CLASP2: variants seen among roughly 807,000 people sequenced by gnomAD.
CLASP2 encodes the protein CLIP-associating protein 2.
CLASP2 carries 47 observed loss-of-function variants against 194.4 expected under a neutral mutation model. The observed-to-expected ratio is 0.24, with a 90% CI of 0.19 to 0.31. The LOEUF (loss-of-function observed/expected upper bound fraction) is 0.31, where lower values mean the gene tolerates loss of function less well. CLASP2 is among the 10% of genes least tolerant of loss of function. The probability of loss-of-function intolerance (pLI) is 1.00; values close to 1 mark genes in which losing one functional copy is unlikely to be tolerated. For synonymous variants in CLASP2, 619 were observed against 633.5 expected, an observed-to-expected ratio of 0.98 and a Z score of 0.34; for missense variants, 1,445 against 1,823.6, an observed-to-expected ratio of 0.79 and a Z score of 3.78.
chr3:33,677,473 G>A lies in CLASP2; in HGVS notation c.644+6886C>T, dbSNP rs867788516. Among the ~76,000 whole-genome samples, 1,087 of 148,110 alleles carry A rather than the reference G, an allele frequency of 7.3e-3. 10 individuals are homozygous for A. Among genetic ancestry groups the A allele is most frequent in the African/African-American group, 0.025 (996 of 40,084 alleles). On this transcript the variant is annotated intron_variant, in intron 6 of 38. Transcript: ENST00000682230. ...ACAAGAACAAAAAACCAAACACCGC[G>A]TATTCTCACTCATAGATGGGAATTG...
intron 28 of CLASP2, among the ~76,000 whole-genome samples, chr3:33,559,827 G>A (rs1319478542): frequency 6.6e-6 from 1 of 152,164 alleles, no homozygotes; most frequent in Non-Finnish European, 1.5e-5. Context: ...CCAGGAGGCA[G>A]AGGTTGCAGT....
At chr3:33,567,439 C>T (rs935844545) in intron 26 of CLASP2, among the ~76,000 whole-genome samples, 4 of 152,056 alleles carry the variant, frequency 2.6e-5, no homozygotes, top group African/African-American at 9.7e-5. Context: ...GTTACAAATA[C>T]CATAAAATGC....
chr3:33,711,514 C>G (rs985521640), intron 1 of CLASP2, among the ~76,000 whole-genome samples: 1 of 151,794 alleles, frequency 6.6e-6, no homozygotes, highest in East Asian at 1.9e-4. Context: ...CCCACTTCAG[C>G]CTCCCAAAGT....
rs60671856 is a variant in CLASP2 at position 33,663,197 on chromosome 3, C to CAA, written c.715+246_715+247dup. Among the ~76,000 whole-genome samples, 197 of 100,744 alleles carry CAA rather than the reference C, an allele frequency of 2.0e-3. 1 individual carries two copies. Among genetic ancestry groups the CAA allele is most frequent in the African/African-American group, 6.6e-3 (177 of 26,648 alleles). 66.1% of individuals were successfully genotyped at this position (100,744 alleles called of 152,430 possible). On this transcript the variant is annotated intron_variant, in intron 7 of 38. Coordinates refer to ENST00000682230, the MANE Select transcript of CLASP2 (RefSeq NM_001365631.1). The stretch of plus-strand genomic sequence containing the variant: ...GACACAAAAAACAAGGCAGTATCAC[C>CAA]AAAAAAAAAAAAAAAAAAAAGAACA...
chr3:33,540,133 T>A (rs1334028023), intron 32 of CLASP2, among the ~76,000 whole-genome samples: 1 of 152,144 alleles, frequency 6.6e-6, no homozygotes, highest in African/African-American at 2.4e-5. Flanking sequence ...TTTCACCATG[T>A]TGACTAGGCT....
At chr3:33,675,170 T>C (rs1213602314) in intron 6 of CLASP2, among the ~76,000 whole-genome samples, 9 of 152,182 alleles carry the variant, frequency 5.9e-5, no homozygotes, top group South Asian at 2.1e-4. Context: ...TTGATGAACA[T>C]TGATGCAAAA....
chr3:33,567,656 A>T (rs1204329743), intron 26 of CLASP2, among the ~76,000 whole-genome samples: 1 of 152,214 alleles, frequency 6.6e-6, no homozygotes, highest in African/African-American at 2.4e-5. Flanking sequence ...GGTATGTTCT[A>T]AGGGTTTACA....
intron 2 of CLASP2, among the ~76,000 whole-genome samples, chr3:33,691,585 T>C (rs2091357905): frequency 6.6e-6 from 1 of 152,210 alleles, no homozygotes; most frequent in Non-Finnish European, 1.5e-5. Context: ...AGGAACAATA[T>C]AAATTCTTCT....
chr3:33,595,783 T>C (rs956001589), intron 19 of CLASP2, among the ~76,000 whole-genome samples: 3 of 152,030 alleles, frequency 2.0e-5, no homozygotes. Flanking sequence ...GTCTAAGGGG[T>C]TTGATACATA....
At chr3:33,594,029 A>G (rs1275228108) in intron 20 of CLASP2, among the ~76,000 whole-genome samples, 1 of 152,154 alleles carries the variant, frequency 6.6e-6, no homozygotes, top group East Asian at 1.9e-4. Context: ...TTTTTTGTAG[A>G]GATGGGTTCT....
intron 20 of CLASP2, 45 bp from the exon 21 acceptor site, chr3:33,592,541 T>A (rs1375022748): frequency 2.2e-6 from 3 of 1,381,384 alleles, no homozygotes; most frequent in Non-Finnish European, 3.0e-6. Flanking sequence ...TTTTCTATAA[T>A]AATGTTTAAT....
chr3:33,528,810 G>C, intron 34 of CLASP2, among the ~76,000 whole-genome samples: 1 of 151,722 alleles, frequency 6.6e-6, no homozygotes. Context: ...AAGAAAGGAA[G>C]AAAGAAAGAG....
intron 10 of CLASP2, 71 bp from the exon 11 acceptor site, chr3:33,622,351 T>C (rs747622061): frequency 2.5e-5 from 31 of 1,216,244 alleles, no homozygotes; most frequent in Non-Finnish European, 3.2e-5. Context: ...CTAAACTTCA[T>C]TATTCAAACA....
chr3:33,524,435 A>G (rs1435384572), intron 34 of CLASP2, among the ~76,000 whole-genome samples: 1 of 152,164 alleles, frequency 6.6e-6, no homozygotes, highest in East Asian at 1.9e-4. Context: ...TTATCACTTA[A>G]GCTCAGGAGT....
At chr3:33,609,386 C>A in intron 13 of CLASP2, among the ~76,000 whole-genome samples, 1 of 152,148 alleles carries the variant, frequency 6.6e-6, no homozygotes, top group South Asian at 2.1e-4. Flanking sequence ...ATCAAGAAAG[C>A]CACAACAATC....
At chr3:33,709,043 T>C (rs1347818232) in intron 1 of CLASP2, among the ~76,000 whole-genome samples, 1 of 152,208 alleles carries the variant, frequency 6.6e-6, no homozygotes, top group African/African-American at 2.4e-5. Context: ...TTTTCTCCCA[T>C]TCAGTAGAAT....
At chr3:33,555,756 T>C (rs2060812588) in intron 29 of CLASP2, among the ~76,000 whole-genome samples, 1 of 152,204 alleles carries the variant, frequency 6.6e-6, no homozygotes. Context: ...TGAACATCAA[T>C]GTATTTTGTT....
chr3:33,613,617 T>G (rs1196877029), intron 12 of CLASP2, among the ~76,000 whole-genome samples: 1 of 152,234 alleles, frequency 6.6e-6, no homozygotes, highest in African/African-American at 2.4e-5. Flanking sequence ...GACTTGAAGC[T>G]GTTGAAGATG....
At chr3:33,507,107 T>C (rs1217192404) in intron 37 of CLASP2, among the ~76,000 whole-genome samples, 1 of 152,008 alleles carries the variant, frequency 6.6e-6, no homozygotes, top group African/African-American at 2.4e-5. Context: ...CCCGGCTGAT[T>C]TTTTGTATTT....
Sources: gnomAD v4.1 joint callset for allele counts (sites outside exome capture counted in the v4.1 genomes callset) on GRCh38, gnomAD v4.1.1 for gene constraint, MANE v1.5 for transcripts, NCBI Gene and HGNC (gene_info 2026-07-23, HGNC 2026-07-21) for gene names.